PTPRD: variants seen among roughly 807,000 people sequenced by gnomAD.
The protein encoded by PTPRD is receptor-type tyrosine-protein phosphatase delta.
PTPRD carries 34 observed loss-of-function variants against 214.5 expected under a neutral mutation model. That is an observed-to-expected ratio of 0.16 (90% CI 0.12 to 0.21). The LOEUF (loss-of-function observed/expected upper bound fraction) is 0.21, where lower values mean the gene tolerates loss of function less well. Among genes scored for constraint, PTPRD ranks in the 10% least tolerant of loss-of-function variants. The pLI is 1.00. For missense variants in PTPRD, 2,545 were observed against 2,398.7 expected (o/e 1.06, Z -1.27); for synonymous variants, 1,128 against 845.7 (o/e 1.33, Z -5.79).
At chr9:10,072,571 A>C (rs2098045834) in intron 3 of PTPRD, among the ~76,000 whole-genome samples, 1 of 152,000 alleles carries the variant, frequency 6.6e-6, no homozygotes, top group Non-Finnish European at 1.5e-5. Context: ...AGCTTTTATT[A>C]CCTTATTTGT....
chr9:9,567,820 C>T lies in PTPRD; in HGVS notation c.-237+6912G>A, dbSNP rs180885481. Among the ~76,000 whole-genome samples, 4 of 151,968 alleles carry T rather than the reference C, an allele frequency of 2.6e-5. No individual in the cohort carries two copies. In the East Asian group the frequency reaches 7.8e-4, roughly 30 times the overall value. Reference sequence around the variant, plus strand: ...TGGTCTAAGCCAATAGTAAATGATCCTTATAGGCTGGGGCATATGACACAT... The same window carrying T: ...TGGTCTAAGCCAATAGTAAATGATCTTTATAGGCTGGGGCATATGACACAT... On this transcript the variant is annotated intron_variant, in intron 8 of 45. Coordinates refer to ENST00000381196, the MANE Select transcript of PTPRD (RefSeq NM_002839.4).
chr9:8,369,221 A>G (rs1333380423), intron 39 of PTPRD, among the ~76,000 whole-genome samples: 2 of 151,918 alleles, frequency 1.3e-5, no homozygotes, highest in African/African-American at 2.4e-5. Context: ...TTTCCACAGC[A>G]CTCTTAGCTT....
intron 9 of PTPRD, among the ~76,000 whole-genome samples, chr9:9,202,746 C>G (rs529130702): frequency 1.5e-4 from 23 of 152,346 alleles, no homozygotes; most frequent in African/African-American, 5.3e-4. Context: ...TGAGGACATG[C>G]TCAGTTAGCA....
chr9:9,503,696 G>C (rs2096492824), intron 8 of PTPRD, among the ~76,000 whole-genome samples: 1 of 151,742 alleles, frequency 6.6e-6, no homozygotes, highest in Non-Finnish European at 1.5e-5. Context: ...AGAGTCACTT[G>C]TGTCAAACTC....
At chr9:9,621,997 C>G (rs537408847) in intron 7 of PTPRD, among the ~76,000 whole-genome samples, 1 of 152,176 alleles carries the variant, frequency 6.6e-6, no homozygotes, top group East Asian at 1.9e-4. Context: ...ACCTGGTCAT[C>G]TCTACAAAGT....
chr9:10,072,352 G>T (rs967610035), intron 3 of PTPRD, among the ~76,000 whole-genome samples: 4 of 152,058 alleles, frequency 2.6e-5, no homozygotes, highest in African/African-American at 4.8e-5. Flanking sequence ...TATATAGTGT[G>T]TCCAGAGTTG....
At position 8,902,117 on chromosome 9, in the gene PTPRD, A is replaced by G. The variant is rs372289872; in HGVS notation, c.-104+116580T>C. Among the ~76,000 whole-genome samples the G allele has an allele frequency of 5.1e-4, 75 of 146,804 alleles. 3 individuals carry two copies. In the South Asian group the frequency reaches 0.016, roughly 31 times the overall value. The stretch of plus-strand genomic sequence containing the variant: ...GTCTATTACTGTATTATCATATACT[A>G]TGCACATATTGACATAATATTAATC... On this transcript the variant is annotated intron_variant, in intron 11 of 45. Transcript: ENST00000381196.
chr9:9,388,233 T>C (rs995874191), intron 9 of PTPRD, among the ~76,000 whole-genome samples: 2 of 152,100 alleles, frequency 1.3e-5, no homozygotes, highest in African/African-American at 2.4e-5. Flanking sequence ...TGGGTTTTTA[T>C]AGGCCCAGGA....
intron 12 of PTPRD, among the ~76,000 whole-genome samples, chr9:8,719,875 C>A (rs1248910679): frequency 1.3e-5 from 2 of 151,632 alleles, no homozygotes; most frequent in South Asian, 2.1e-4. Context: ...AAAAAAAAAA[C>A]CTTGCATTTA....
chr9:9,569,209 C>A (rs577798050), intron 8 of PTPRD, among the ~76,000 whole-genome samples: 1 of 150,676 alleles, frequency 6.6e-6, no homozygotes, highest in South Asian at 2.1e-4. Context: ...TAGTCATTTG[C>A]GAATGTTATA....
At chr9:9,071,710 G>A (rs906251696) in intron 10 of PTPRD, among the ~76,000 whole-genome samples, 4 of 152,104 alleles carry the variant, frequency 2.6e-5, no homozygotes, top group Non-Finnish European at 1.5e-5. Flanking sequence ...ATGCAACCCG[G>A]CTGATAATAC....
chr9:8,372,593 C>T (rs1208116858), intron 39 of PTPRD, among the ~76,000 whole-genome samples: 1 of 152,008 alleles, frequency 6.6e-6, no homozygotes, highest in African/African-American at 2.4e-5. Context: ...ATTCTATGCT[C>T]TGTATGAACT....
chr9:8,380,095 G>A (rs1176257514), intron 37 of PTPRD, among the ~76,000 whole-genome samples: 2 of 152,084 alleles, frequency 1.3e-5, no homozygotes, highest in Non-Finnish European at 2.9e-5. Context: ...TGTGTGGGGG[G>A]TTGTTGTTAT....
chr9:8,880,278 G>A (rs1357408698), intron 11 of PTPRD, among the ~76,000 whole-genome samples: 1 of 152,132 alleles, frequency 6.6e-6, no homozygotes, highest in African/African-American at 2.4e-5. Flanking sequence ...AATGGCAACT[G>A]TCTGAGAGAT....
chr9:9,686,590 G>A (rs910635749), intron 7 of PTPRD, among the ~76,000 whole-genome samples: 5 of 151,594 alleles, frequency 3.3e-5, no homozygotes, highest in African/African-American at 9.7e-5. Context: ...CAGCAGGAGA[G>A]AGACTTTTTA....
chr9:10,103,625 G>A (rs1300626952), intron 3 of PTPRD, among the ~76,000 whole-genome samples: 1 of 151,226 alleles, frequency 6.6e-6, no homozygotes, highest in Non-Finnish European at 1.5e-5. Context: ...GAGACTCAGT[G>A]TGAAGGTCTG....
At chr9:9,938,479 C>G (rs1490440262) in intron 5 of PTPRD, 28 bp downstream of exon 5, 1 of 152,118 alleles carries the variant, frequency 6.6e-6, no homozygotes, top group East Asian at 1.9e-4. Context: ...TCATGGGAAA[C>G]TAGCATACCC....
intron 2 of PTPRD, among the ~76,000 whole-genome samples, chr9:10,559,298 T>C (rs908264336): frequency 1.3e-5 from 2 of 152,120 alleles, no homozygotes; most frequent in Non-Finnish European, 2.9e-5. Flanking sequence ...TCCAAATGTA[T>C]ACAGACTTGC....
At chr9:9,189,696 G>A (rs984699143) in intron 9 of PTPRD, among the ~76,000 whole-genome samples, 4 of 151,982 alleles carry the variant, frequency 2.6e-5, no homozygotes, top group African/African-American at 9.7e-5. Flanking sequence ...TTTTGCATAA[G>A]CCTAGCATAC....
Sources: allele counts gnomAD v4.1 joint callset (sites outside exome capture counted in the v4.1 genomes callset), GRCh38; gene constraint gnomAD v4.1.1; transcripts MANE v1.5; gene names NCBI Gene and HGNC (gene_info 2026-07-23, HGNC 2026-07-21).